The following TSPAN9 variants were observed in gnomAD, a reference collection of about 807,000 sequenced individuals.
TSPAN9 encodes tetraspanin-9.
In TSPAN9, 16 loss-of-function variants were observed where a neutral mutation model predicts 31.0. The observed-to-expected ratio is 0.52, with a 90% CI of 0.35 to 0.78. TSPAN9 has a LOEUF of 0.78. Ranked by LOEUF, TSPAN9 falls within the 30% of genes least tolerant of loss-of-function variation. The probability of loss-of-function intolerance (pLI) is 0.01; values close to 1 mark genes in which losing one functional copy is unlikely to be tolerated. For synonymous variants in TSPAN9, 145 were observed against 121.6 expected (o/e 1.19, Z -1.27); for missense variants, 272 against 312.5 (o/e 0.87, Z 0.98).
Position 3,143,120 on chromosome 12 carries a change from T to G in TSPAN9, c.-17-58057T>G, listed in dbSNP as rs550499523. Among the ~76,000 whole-genome samples the G allele has an allele frequency of 7.9e-5, 12 of 152,082 alleles. No individual in the cohort carries two copies. The highest frequency in any genetic ancestry group is 1.8e-4 in the Non-Finnish European group (12 of 68,010). ...ATGGTGACGTGTCCTTCTAGGTGTG[T>G]GGCATCAAGGGGAATGTGATGTCTG... On this transcript the variant is annotated intron_variant, in intron 2 of 8. Coordinates refer to ENST00000011898, the MANE Select transcript of TSPAN9 (RefSeq NM_006675.5). This position sits in a 1 kb window ranked among gnomAD's most constrained non-coding sequence, Gnocchi z 4.2.
rs191572677 is a variant in TSPAN9 at position 3,260,254 on chromosome 12, A to G, written c.64-18167A>G. ...TTGTGCTTAATAAGTGACTATGGAA[A>G]GAGCAAGATGATGGCGTGAATGAGT... On this transcript the variant is annotated intron_variant, in intron 3 of 8. Coordinates refer to ENST00000011898, the MANE Select transcript of TSPAN9 (RefSeq NM_006675.5). Among the ~76,000 whole-genome samples, 46 of 152,368 alleles carry G rather than the reference A, an allele frequency of 3.0e-4. No homozygotes were observed. In the East Asian group the frequency reaches 6.4e-3, roughly 21 times the overall value.
chr12:3,286,066 T>C lies in TSPAN9; in HGVS notation c.*2950T>C, dbSNP rs991106094. The C allele has an allele frequency of 6.5e-6, 1 of 152,684 alleles. No individual in the cohort carries two copies. The highest frequency in any genetic ancestry group is 1.5e-5 in the Non-Finnish European group (1 of 68,084). 9.5% of individuals were successfully genotyped at this position (152,684 alleles called of 1,614,324 possible). On this transcript the variant is annotated 3_prime_UTR_variant, in exon 9 of 9. Transcript: ENST00000011898. This position sits in a 1 kb window ranked among gnomAD's most constrained non-coding sequence, Gnocchi z 4.1. ...TGACTTGGAACTAGATGGCCATCTT[T>C]CCAGGCTTTGGTGGCCCAAGAGCAG...
In TSPAN9 at chr12:3,132,509, T is replaced by C. The variant is rs55906856; in HGVS notation, c.-18+48790T>C. 1.7e-3 allele frequency among the ~76,000 whole-genome samples: 263 copies of C among 152,166 alleles called. 1 individual carries two copies. Among genetic ancestry groups the C allele is most frequent in the Non-Finnish European group, 3.1e-3 (213 of 68,010 alleles). Reference sequence around the variant, plus strand: ...TTACTGTGCTTTGATTTGCATTCCCTGATGGACCATGACATGGAGCATTCT... The same window carrying C: ...TTACTGTGCTTTGATTTGCATTCCCCGATGGACCATGACATGGAGCATTCT... On this transcript the variant is annotated intron_variant, in intron 2 of 8. Transcript: ENST00000011898.
Position 3,170,181 on chromosome 12 carries a change from G to A in TSPAN9, c.-17-30996G>A, listed in dbSNP as rs2098350965. Among the ~76,000 whole-genome samples, 1 of 152,140 alleles carries A rather than the reference G, an allele frequency of 6.6e-6. No homozygotes were observed. Among genetic ancestry groups the A allele is most frequent in the South Asian group, 2.1e-4 (1 of 4,822 alleles). ...GGCAAACAGCCTGTAAATAGAGGGT[G>A]CTCAATAAATGTCACTTACATCTGA... On this transcript the variant is annotated intron_variant, in intron 2 of 8. Coordinates refer to ENST00000011898, the MANE Select transcript of TSPAN9 (RefSeq NM_006675.5). The surrounding 1 kb of genome is among the most constrained non-coding windows in gnomAD (Gnocchi z 4.4).
At chr12:3,178,793 G>A (rs1411545725) in intron 2 of TSPAN9, among the ~76,000 whole-genome samples, 1 of 152,202 alleles carries the variant, frequency 6.6e-6, no homozygotes, top group African/African-American at 2.4e-5. Context: ...GCGCTCACTT[G>A]CCCTTGGCTG....
At chr12:3,206,183 G>A in intron 3 of TSPAN9, 1 of 405,546 alleles carries the variant, frequency 2.5e-6, no homozygotes, top group South Asian at 1.8e-5. Flanking sequence ...AGACTCTGTG[G>A]CCAGAGGCCT....
chr12:3,118,256 GTT>G (rs72307230), intron 2 of TSPAN9, among the ~76,000 whole-genome samples: 291 of 31,500 alleles, frequency 9.2e-3, no homozygotes, highest in Middle Eastern at 0.045. Flanking sequence ...TGCACCCGCC[GTT>G]TTTTTTTTTT....
At chr12:3,163,588 G>C (rs187936005) in intron 2 of TSPAN9, among the ~76,000 whole-genome samples, 80 of 152,234 alleles carry the variant, frequency 5.3e-4, no homozygotes, top group African/African-American at 1.9e-3. Flanking sequence ...TCTTTTTCCC[G>C]GGTTACTGTT....
intron 2 of TSPAN9, among the ~76,000 whole-genome samples, chr12:3,180,902 C>T (rs1213546956): frequency 6.6e-6 from 1 of 152,142 alleles, no homozygotes; most frequent in African/African-American, 2.4e-5. Flanking sequence ...TTCTATTTTT[C>T]TGTGCACCTG....
chr12:3,226,776 A>G (rs1565622583), intron 3 of TSPAN9, among the ~76,000 whole-genome samples: 118 of 1,840 alleles, frequency 0.064, 27 homozygotes, highest in African/African-American at 0.19. Flanking sequence ...ATATATATAT[A>G]TATATATATA....
chr12:3,152,482 C>T (rs2098340297), intron 2 of TSPAN9, among the ~76,000 whole-genome samples: 1 of 152,218 alleles, frequency 6.6e-6, no homozygotes, highest in Non-Finnish European at 1.5e-5. Context: ...CAGCGATGGA[C>T]ACAGTGAAAC....
chr12:3,217,855 C>G (rs942278639), intron 3 of TSPAN9, among the ~76,000 whole-genome samples: 4 of 152,086 alleles, frequency 2.6e-5, no homozygotes, highest in Non-Finnish European at 4.4e-5. Flanking sequence ...GGTGTCACCA[C>G]TTCCTGTGTG....
intron 2 of TSPAN9, among the ~76,000 whole-genome samples, chr12:3,098,590 T>G (rs946024623): frequency 2.6e-5 from 4 of 152,206 alleles, no homozygotes; most frequent in Non-Finnish European, 5.9e-5. Context: ...AGCCTCGTTC[T>G]TTGCTTAGAG....
chr12:3,220,145 C>CAAAAAAAAAAAAA (rs55735802), intron 3 of TSPAN9, among the ~76,000 whole-genome samples: 22 of 137,354 alleles, frequency 1.6e-4, no homozygotes, highest in African/African-American at 5.4e-4. Context: ...AACTCTGTCT[C>CAAAAAAAAAAAAA]AAAAAAAAAA....
chr12:3,099,133 TC>T (rs2098310600), intron 2 of TSPAN9, among the ~76,000 whole-genome samples: 1 of 152,148 alleles, frequency 6.6e-6, no homozygotes, highest in African/African-American at 2.4e-5. Flanking sequence ...CATCTCCACT[TC>T]CCTCTCCTTT....
chr12:3,263,766 G>C (rs893910677), intron 3 of TSPAN9, among the ~76,000 whole-genome samples: 1 of 152,216 alleles, frequency 6.6e-6, no homozygotes, highest in Admixed American at 6.5e-5. Flanking sequence ...GGCCGATGAC[G>C]GCCAGTCGAG....
chr12:3,089,442 A>G (rs1449281530), intron 2 of TSPAN9, among the ~76,000 whole-genome samples: 2 of 150,430 alleles, frequency 1.3e-5, no homozygotes, highest in Non-Finnish European at 3.0e-5. Flanking sequence ...GATTACAGGC[A>G]TGTGCCACCA....
At chr12:3,098,218 C>T (rs540169103) in intron 2 of TSPAN9, among the ~76,000 whole-genome samples, 7 of 152,290 alleles carry the variant, frequency 4.6e-5, no homozygotes, top group Admixed American at 1.3e-4. Flanking sequence ...TGCCTGAAGT[C>T]CTTTCTGGCT....
intron 2 of TSPAN9, among the ~76,000 whole-genome samples, chr12:3,152,072 C>T (rs1478775070): frequency 6.6e-6 from 1 of 152,244 alleles, no homozygotes; most frequent in Non-Finnish European, 1.5e-5. Flanking sequence ...GGAATTTTTC[C>T]TCTCCAGCTC....
Sources: allele counts gnomAD v4.1 joint callset (sites outside exome capture counted in the v4.1 genomes callset), GRCh38; gene constraint gnomAD v4.1.1; non-coding constraint Gnocchi (gnomAD v3.1); transcripts MANE v1.5; gene names NCBI Gene and HGNC (gene_info 2026-07-23, HGNC 2026-07-21).